Variants in STARD13 observed in about 807,000 individuals in gnomAD.
STARD13 encodes the protein StAR related lipid transfer domain containing 13.
A neutral mutation model predicts 106.4 loss-of-function variants in STARD13; 62 were observed. That is an observed-to-expected ratio of 0.58 (90% CI 0.48 to 0.72). The LOEUF (loss-of-function observed/expected upper bound fraction) is 0.72, where lower values mean the gene tolerates loss of function less well. Among genes scored for constraint, STARD13 ranks in the 30% least tolerant of loss-of-function variants. The pLI is 0.00. For synonymous variants in STARD13, 565 were observed against 553.0 expected (o/e 1.02, Z -0.31); for missense variants, 1,387 against 1,424.0 (o/e 0.97, Z 0.42).
exon 1 of STARD13, chr13:33,350,401 G>T: frequency 6.5e-7 from 1 of 1,533,184 alleles, no homozygotes; most frequent in Non-Finnish European, 8.7e-7. Context: ...CAAGGTTTCC[G>T]TTTGCTGGTC....
chr13:33,172,661 ATTTT>A (rs770587160), intron 1 of STARD13, among the ~76,000 whole-genome samples: 3 of 152,182 alleles, frequency 2.0e-5, no homozygotes, highest in Non-Finnish European at 4.4e-5. Context: ...AAGTATGTAC[ATTTT>A]GTTTTACGTT....
At chr13:33,659,014 A>G in the STARD13 span, among the ~76,000 whole-genome samples, 6 of 152,136 alleles carry the variant, frequency 3.9e-5, no homozygotes, top group Non-Finnish European at 4.4e-5. Context: ...CAGGAAGCAC[A>G]TGGAAGCTCT....
rs902323817 is a variant in STARD13, at chr13:33,130,565, C to T, written c.388-276G>A. On this transcript the variant is annotated intron_variant, in intron 4 of 13. Coordinates refer to ENST00000336934, the MANE Select transcript of STARD13 (RefSeq NM_178006.4). The surrounding 1 kb of genome is among the most constrained non-coding windows in gnomAD (Gnocchi z 4.1). ...GGTTTTGAATGCCTCCTTCCTTCCT[C>T]TCTAAGAAGTTTTCCCTGACTGATT... is the stretch of plus-strand genomic sequence containing the variant. Among the ~76,000 whole-genome samples the T allele has an allele frequency of 6.6e-6, 1 of 152,186 alleles. No homozygotes were observed. The highest frequency in any genetic ancestry group is 2.4e-5 in the African/African-American group (1 of 41,438).
chr13:33,397,418 A>G, the STARD13 span, among the ~76,000 whole-genome samples: 1 of 152,196 alleles, frequency 6.6e-6, no homozygotes, highest in Non-Finnish European at 1.5e-5. Flanking sequence ...ATTGGGGCTC[A>G]GGGAGACAGT....
At chr13:33,225,063 T>G (rs1888551695) in intron 1 of STARD13, among the ~76,000 whole-genome samples, 1 of 152,202 alleles carries the variant, frequency 6.6e-6, no homozygotes, top group African/African-American at 2.4e-5. Flanking sequence ...CTTTTTTGGA[T>G]GACAATATTT....
At chr13:33,604,364 C>A in the STARD13 span, among the ~76,000 whole-genome samples, 4 of 152,242 alleles carry the variant, frequency 2.6e-5, no homozygotes, top group South Asian at 6.2e-4. Flanking sequence ...CATCTAGACA[C>A]ATGATAGTGA....
At position 33,266,300 on chromosome 13, in the gene STARD13, T is replaced by G. The variant is rs115330987; in HGVS notation, c.169+19170A>C. Among the ~76,000 whole-genome samples the G allele has an allele frequency of 7.2e-3, 1,095 of 152,374 alleles. 17 individuals are homozygous for G. The highest frequency in any genetic ancestry group is 0.025 in the African/African-American group (1,054 of 41,588). On this transcript the variant is annotated intron_variant, in intron 1 of 13. Coordinates refer to ENST00000336934, the MANE Select transcript of STARD13 (RefSeq NM_178006.4). ...ACATGACATAATTATTGATCATGTT[T>G]AGGCAGGGCCTGCATAAAATACATG...
chr13:33,247,762 C>T (rs1025679363), intron 1 of STARD13, among the ~76,000 whole-genome samples: 42 of 152,126 alleles, frequency 2.8e-4, no homozygotes, highest in African/African-American at 8.9e-4. Flanking sequence ...TGCTATCGCC[C>T]AAAACGCACA....
the STARD13 span, among the ~76,000 whole-genome samples, chr13:33,556,916 G>T: frequency 1.3e-5 from 2 of 152,072 alleles, no homozygotes; most frequent in East Asian, 3.9e-4. Flanking sequence ...ATCATGCCTG[G>T]CTAATTTTTG....
intron 3 of STARD13, among the ~76,000 whole-genome samples, chr13:33,148,115 CAAAAAG>C (rs1261863898): frequency 3.9e-5 from 6 of 152,062 alleles, no homozygotes; most frequent in Non-Finnish European, 7.4e-5. Context: ...TATACAACTC[CAAAAAG>C]ATAACATAGG....
chr13:33,654,445 G>A, the STARD13 span, among the ~76,000 whole-genome samples: 2 of 152,056 alleles, frequency 1.3e-5, no homozygotes, highest in Non-Finnish European at 2.9e-5. Context: ...AAGTAGATTA[G>A]TGGTTGCCAG....
chr13:33,314,398 G>A (rs1488164737), intron 1 of STARD13, among the ~76,000 whole-genome samples: 1 of 152,196 alleles, frequency 6.6e-6, no homozygotes, highest in African/African-American at 2.4e-5. Flanking sequence ...TACAGCCACG[G>A]TGGTAGGAAT....
At chr13:33,626,770 G>T in the STARD13 span, among the ~76,000 whole-genome samples, 1 of 152,192 alleles carries the variant, frequency 6.6e-6, no homozygotes, top group East Asian at 1.9e-4. Context: ...GAAAGAGTAT[G>T]AATTAATCCA....
At chr13:33,201,901 G>C (rs1368904786) in intron 1 of STARD13, among the ~76,000 whole-genome samples, 1 of 152,068 alleles carries the variant, frequency 6.6e-6, no homozygotes, top group Non-Finnish European at 1.5e-5. Context: ...GCAACCTTTG[G>C]ATTCTTAAGA....
At chr13:33,451,252 C>T in the STARD13 span, among the ~76,000 whole-genome samples, 2 of 152,152 alleles carry the variant, frequency 1.3e-5, no homozygotes, top group Non-Finnish European at 2.9e-5. Context: ...GTTTAAGAGA[C>T]AGACGTGGGC....
chr13:33,533,348 A>G, the STARD13 span, among the ~76,000 whole-genome samples: 1 of 152,148 alleles, frequency 6.6e-6, no homozygotes, highest in African/African-American at 2.4e-5. Flanking sequence ...AAGCAGCTTT[A>G]AATTAGGTAA....
the STARD13 span, among the ~76,000 whole-genome samples, chr13:33,399,537 A>C: frequency 1.3e-5 from 2 of 151,846 alleles, no homozygotes; most frequent in African/African-American, 4.8e-5. Flanking sequence ...TACTAAAAAT[A>C]CAAAAAAAGA....
chr13:33,662,501 G>A, the STARD13 span, among the ~76,000 whole-genome samples: 1 of 152,186 alleles, frequency 6.6e-6, no homozygotes, highest in Non-Finnish European at 1.5e-5. Flanking sequence ...CAAGTGAAGT[G>A]TGCACCTGGT....
At chr13:33,634,727 A>G in the STARD13 span, among the ~76,000 whole-genome samples, 1 of 152,124 alleles carries the variant, frequency 6.6e-6, no homozygotes, top group Admixed American at 6.5e-5. Flanking sequence ...ACATGCACAC[A>G]CACACAGTTT....
Sources: gnomAD v4.1 joint callset for allele counts (sites outside exome capture counted in the v4.1 genomes callset) on GRCh38, gnomAD v4.1.1 for gene constraint, Gnocchi (gnomAD v3.1) non-coding constraint, MANE v1.5 for transcripts, NCBI Gene and HGNC (gene_info 2026-07-23, HGNC 2026-07-21) for gene names.